Variants in FBXL17 observed in about 807,000 individuals in gnomAD.
FBXL17 encodes the protein F-box and leucine rich repeat protein 17.
Under a neutral mutation model 66.2 loss-of-function variants are expected in FBXL17, and 22 were observed. That is an observed-to-expected ratio of 0.33 (90% confidence interval 0.24 to 0.47). FBXL17 has a LOEUF of 0.47. Among genes scored for constraint, FBXL17 ranks in the 20% least tolerant of loss-of-function variants. The pLI, the probability that FBXL17 is intolerant of heterozygous loss-of-function variation, is 1.00. For missense variants in FBXL17, 878 were observed against 948.2 expected, an observed-to-expected ratio of 0.93 and a Z score of 0.97; for synonymous variants, 474 against 400.5, an observed-to-expected ratio of 1.18 and a Z score of -2.19.
intron 7 of FBXL17, among the ~76,000 whole-genome samples, chr5:108,016,570 T>C (rs190372336): frequency 2.8e-4 from 42 of 152,158 alleles, no homozygotes; most frequent in African/African-American, 9.9e-4. Context: ...TTCACAATGG[T>C]AATATTCACT....
intron 4 of FBXL17, among the ~76,000 whole-genome samples, chr5:108,338,490 C>A (rs1318186237): frequency 6.6e-6 from 1 of 152,032 alleles, no homozygotes; most frequent in East Asian, 1.9e-4. Context: ...TGGTAACAGA[C>A]ACTACAAATT....
At chr5:107,917,458 C>T (rs1750168494) in intron 7 of FBXL17, among the ~76,000 whole-genome samples, 1 of 151,964 alleles carries the variant, frequency 6.6e-6, no homozygotes, top group South Asian at 2.1e-4. Context: ...AAAAATGAAC[C>T]AAGAGTGTGC....
chr5:108,057,269 T>C (rs1430206749), intron 6 of FBXL17, among the ~76,000 whole-genome samples: 2 of 152,142 alleles, frequency 1.3e-5, no homozygotes, highest in Non-Finnish European at 2.9e-5. Flanking sequence ...TGAAAACACA[T>C]TAAAATAGCC....
intron 4 of FBXL17, among the ~76,000 whole-genome samples, chr5:108,285,910 A>G (rs890111729): frequency 6.6e-6 from 1 of 151,898 alleles, no homozygotes. Flanking sequence ...CCAGTAAACC[A>G]TATCCAGCAG....
intron 6 of FBXL17, among the ~76,000 whole-genome samples, chr5:108,175,322 C>T (rs566030068): frequency 1.8e-4 from 27 of 152,192 alleles, no homozygotes; most frequent in African/African-American, 5.5e-4. Context: ...GTCACACATC[C>T]GCACAATAAT....
chr5:108,045,276 CA>C, intron 6 of FBXL17, among the ~76,000 whole-genome samples: 1 of 151,844 alleles, frequency 6.6e-6, no homozygotes, highest in Middle Eastern at 3.4e-3. Flanking sequence ...CCTGTCGCTA[CA>C]AAAAAATACA....
intron 6 of FBXL17, among the ~76,000 whole-genome samples, chr5:108,172,135 T>G (rs1752629318): frequency 1.3e-5 from 2 of 152,232 alleles, no homozygotes; most frequent in African/African-American, 4.8e-5. Flanking sequence ...AAGATGGCCT[T>G]ACTCACATGT....
At chr5:108,367,290 A>G (rs911986605) in intron 2 of FBXL17, among the ~76,000 whole-genome samples, 5 of 152,094 alleles carry the variant, frequency 3.3e-5, no homozygotes, top group African/African-American at 1.2e-4. Flanking sequence ...CACATTAGGC[A>G]GCTAAGCAAC....
chr5:108,221,898 C>T (rs1441737735), intron 5 of FBXL17, among the ~76,000 whole-genome samples: 1 of 152,132 alleles, frequency 6.6e-6, no homozygotes, highest in Admixed American at 6.5e-5. Context: ...TTTGCCTTTA[C>T]TTGAATCCAG....
chr5:108,236,445 G>A (rs1164279108), intron 4 of FBXL17, among the ~76,000 whole-genome samples: 1 of 151,634 alleles, frequency 6.6e-6, no homozygotes, highest in East Asian at 1.9e-4. Flanking sequence ...CCTGGGAAGT[G>A]GAGGTTGCAG....
intron 6 of FBXL17, among the ~76,000 whole-genome samples, chr5:108,148,259 GATA>G (rs1273227339): frequency 6.6e-6 from 1 of 151,862 alleles, no homozygotes; most frequent in Non-Finnish European, 1.5e-5. Flanking sequence ...TAAAATATCA[GATA>G]ATAAGAGTAC....
intron 4 of FBXL17, among the ~76,000 whole-genome samples, chr5:108,230,266 C>T (rs766666935): frequency 3.3e-5 from 5 of 152,150 alleles, no homozygotes; most frequent in Non-Finnish European, 7.3e-5. Context: ...AAGATACTTG[C>T]ACACGCATGT....
chr5:108,025,203 A>C (rs1754755244), intron 6 of FBXL17, among the ~76,000 whole-genome samples: 1 of 152,172 alleles, frequency 6.6e-6, no homozygotes, highest in Admixed American at 6.5e-5. Flanking sequence ...AAAGAAGCTA[A>C]TTGGAGCTGC....
intron 8 of FBXL17, 172 bp downstream of exon 8, chr5:107,880,865 A>G (rs1748765616): frequency 1.4e-6 from 2 of 1,409,318 alleles, no homozygotes; most frequent in Non-Finnish European, 1.8e-6. Flanking sequence ...ATCTCAGATT[A>G]GTTTACAAAA....
intron 4 of FBXL17, among the ~76,000 whole-genome samples, chr5:108,251,333 G>C (rs1756342407): frequency 6.6e-6 from 1 of 151,962 alleles, no homozygotes; most frequent in South Asian, 2.1e-4. Flanking sequence ...ATTAATAAGG[G>C]TGTAAACCTT....
At chr5:108,044,971 G>C (rs1170674331) in intron 6 of FBXL17, among the ~76,000 whole-genome samples, 11 of 152,164 alleles carry the variant, frequency 7.2e-5, no homozygotes, top group Admixed American at 7.2e-4. Flanking sequence ...TGTGTGCAAG[G>C]TCGGTAGTAA....
intron 6 of FBXL17, among the ~76,000 whole-genome samples, chr5:108,021,364 T>C (rs1014846239): frequency 2.7e-5 from 4 of 150,072 alleles, no homozygotes; most frequent in African/African-American, 4.9e-5. Flanking sequence ...ATCGTTATTA[T>C]AGGTAGATGG....
intron 6 of FBXL17, among the ~76,000 whole-genome samples, chr5:108,075,696 C>T (rs982352232): frequency 5.9e-5 from 9 of 152,086 alleles, no homozygotes; most frequent in East Asian, 1.9e-4. Context: ...AGGCTGGTCT[C>T]GAACTCCTGA....
rs945337081 is a variant in FBXL17 at position 108,381,693 on chromosome 5, T to C, written c.-2A>G. ...CTCCTTCGAGAGAAGGTGGCCCATATAGAAGGCCCCGAGGAGGGGGACCGG... is the reference window on the plus strand; with the variant it reads ...CTCCTTCGAGAGAAGGTGGCCCATACAGAAGGCCCCGAGGAGGGGGACCGG... On this transcript the variant is annotated 5_prime_UTR_variant, in exon 1 of 9. Transcript: ENST00000542267. 87 of 1,460,338 alleles carry C rather than the reference T, an allele frequency of 6.0e-5. No individual in the cohort carries two copies. Among genetic ancestry groups the C allele is most frequent in the Admixed American group, 2.5e-4 (10 of 39,902 alleles). 90.5% of individuals were successfully genotyped at this position (1,460,338 alleles called of 1,614,324 possible).
Sources: allele counts gnomAD v4.1 joint callset (sites outside exome capture counted in the v4.1 genomes callset), GRCh38; gene constraint gnomAD v4.1.1; transcripts MANE v1.5; gene names NCBI Gene and HGNC (gene_info 2026-07-23, HGNC 2026-07-21).